LRRC37A2: variants seen among roughly 807,000 people sequenced by gnomAD.
LRRC37A2 encodes the protein leucine-rich repeat-containing protein 37A2.
A neutral mutation model predicts 68.8 loss-of-function variants in LRRC37A2; 9 were observed. The ratio of observed to expected loss-of-function variants is 0.13; its 90% CI spans 0.08 to 0.23. LRRC37A2 has a LOEUF of 0.23. Among genes scored for constraint, LRRC37A2 ranks in the 10% least tolerant of loss-of-function variants. The pLI is 1.00. For synonymous variants in LRRC37A2, 63 were observed against 367.6 expected, an observed-to-expected ratio of 0.17 and a Z score of 9.48; for missense variants, 168 against 950.4, an observed-to-expected ratio of 0.18 and a Z score of 10.82.
chr17:46,935,861 C>A, the LRRC37A2 span: 9 of 986,120 alleles, frequency 9.1e-6, no homozygotes, highest in Non-Finnish European at 1.1e-5. Flanking sequence ...CCTGTATCAA[C>A]CCTGATGGAT....
At chr17:46,926,138 A>G in the LRRC37A2 span, among the ~76,000 whole-genome samples, 2 of 152,322 alleles carry the variant, frequency 1.3e-5, no homozygotes, top group South Asian at 4.1e-4. Flanking sequence ...TTTCCTGAAC[A>G]GCGGAGCTTA....
the LRRC37A2 span, among the ~76,000 whole-genome samples, chr17:46,771,634 C>CGGCCGCCGGGCCCG: frequency 3.2e-4 from 46 of 145,796 alleles, no homozygotes; most frequent in African/African-American, 1.1e-3. Flanking sequence ...CCGCATAATG[C>CGGCCGCCGGGCCCG]GGCCGCCGGG....
the LRRC37A2 span, among the ~76,000 whole-genome samples, chr17:46,797,018 T>C: frequency 1.3e-5 from 2 of 151,908 alleles, 1 homozygote; most frequent in East Asian, 3.9e-4. Flanking sequence ...TGGGGGAAAA[T>C]GGGAAAAGGG....
chr17:46,898,095 C>T, the LRRC37A2 span, among the ~76,000 whole-genome samples: 2 of 152,128 alleles, frequency 1.3e-5, no homozygotes, highest in Admixed American at 1.3e-4. Flanking sequence ...GGGGATGGAT[C>T]ACGGGGCCTG....
At chr17:46,413,039 TC>T in the LRRC37A2 span, among the ~76,000 whole-genome samples, 1 of 81,728 alleles carries the variant, frequency 1.2e-5, no homozygotes, top group African/African-American at 3.3e-5. Context: ...GTACCTCTGT[TC>T]CTATATCTTT....
the LRRC37A2 span, among the ~76,000 whole-genome samples, chr17:46,807,356 C>G: frequency 6.6e-6 from 1 of 152,168 alleles, no homozygotes; most frequent in African/African-American, 2.4e-5. Flanking sequence ...GTGGCGCATG[C>G]CTATAATCCC....
At chr17:46,979,068 G>A in the LRRC37A2 span, 24 of 1,323,152 alleles carry the variant, frequency 1.8e-5, no homozygotes, top group Non-Finnish European at 2.2e-5. Flanking sequence ...GCTCGCCGGG[G>A]TCCGCGCTCT....
At chr17:46,659,746 C>CT in the LRRC37A2 span, among the ~76,000 whole-genome samples, 1 of 145,522 alleles carries the variant, frequency 6.9e-6, no homozygotes, top group South Asian at 2.1e-4. Context: ...GCTAAAAACT[C>CT]TAACAAGAGG....
At chr17:46,661,408 A>ATTT in the LRRC37A2 span, among the ~76,000 whole-genome samples, 1 of 90,366 alleles carries the variant, frequency 1.1e-5, no homozygotes, top group African/African-American at 4.0e-5. Context: ...TATTATTATT[A>ATTT]TTTTTGAGAT....
the LRRC37A2 span, among the ~76,000 whole-genome samples, chr17:46,696,296 C>T: frequency 7.2e-6 from 1 of 138,848 alleles, no homozygotes; most frequent in Non-Finnish European, 1.5e-5. Context: ...GCATGCTAGA[C>T]CCTGTGCTAG....
At chr17:47,047,795 G>C in the LRRC37A2 span, among the ~76,000 whole-genome samples, 1 of 151,646 alleles carries the variant, frequency 6.6e-6, no homozygotes, top group Non-Finnish European at 1.5e-5. Flanking sequence ...ATAGAATGGA[G>C]GGCTTTTCCA....
chr17:46,987,280 G>A, the LRRC37A2 span, among the ~76,000 whole-genome samples: 1 of 151,960 alleles, frequency 6.6e-6, no homozygotes. Context: ...TGTAGCTGCA[G>A]GGGAACAGGC....
chr17:46,944,948 C>T, the LRRC37A2 span, among the ~76,000 whole-genome samples: 1 of 152,136 alleles, frequency 6.6e-6, no homozygotes, highest in Non-Finnish European at 1.5e-5. Context: ...AGATTGAGAA[C>T]CACGGCTGTC....
chr17:46,401,005 ATTTAT>A, the LRRC37A2 span, among the ~76,000 whole-genome samples: 2 of 105,944 alleles, frequency 1.9e-5, no homozygotes, highest in African/African-American at 3.4e-5. Context: ...CATTTTGTAA[ATTTAT>A]TTTATTACTT....
the LRRC37A2 span, among the ~76,000 whole-genome samples, chr17:46,972,420 A>G: frequency 1.1e-4 from 17 of 152,216 alleles, no homozygotes; most frequent in Non-Finnish European, 2.9e-5. Flanking sequence ...AGAACCTGGG[A>G]CAGGAAAGGA....
At chr17:47,028,542 T>C in the LRRC37A2 span, among the ~76,000 whole-genome samples, 2 of 152,200 alleles carry the variant, frequency 1.3e-5, no homozygotes, top group Non-Finnish European at 2.9e-5. Flanking sequence ...ATAGCTTATA[T>C]ATGACCTCCT....
chr17:46,679,597 C>T, the LRRC37A2 span, among the ~76,000 whole-genome samples: 3 of 129,976 alleles, frequency 2.3e-5, no homozygotes, highest in Non-Finnish European at 4.8e-5. Context: ...GAGGCTGAGG[C>T]AGGAGAATTG....
At chr17:46,779,871 G>A in the LRRC37A2 span, among the ~76,000 whole-genome samples, 1 of 152,094 alleles carries the variant, frequency 6.6e-6, no homozygotes, top group African/African-American at 2.4e-5. Context: ...TGATTCTCCT[G>A]CCTCGGCCTC....
the LRRC37A2 span, among the ~76,000 whole-genome samples, chr17:46,622,437 GAC>G: frequency 2.7e-5 from 4 of 150,276 alleles, no homozygotes; most frequent in East Asian, 7.9e-4. Flanking sequence ...CAGCCTGGGT[GAC>G]AGAGTGAGAC....
Sources: gnomAD v4.1 joint callset for allele counts (sites outside exome capture counted in the v4.1 genomes callset) on GRCh38, gnomAD v4.1.1 for gene constraint, MANE v1.5 for transcripts, NCBI Gene and HGNC (gene_info 2026-07-23, HGNC 2026-07-21) for gene names.